TFEB: variants seen among roughly 807,000 people sequenced by gnomAD.
TFEB encodes the protein transcription factor EB, also known as T-cell transcription factor EB.
A neutral mutation model predicts 48.0 loss-of-function variants in TFEB; 12 were observed. The observed-to-expected ratio is 0.25, with a 90% confidence interval of 0.16 to 0.40. TFEB has a LOEUF of 0.40. Among genes scored for constraint, TFEB ranks in the 10% least tolerant of loss-of-function variants. The pLI is 1.00. For missense variants in TFEB, 509 were observed against 640.3 expected, an observed-to-expected ratio of 0.79 and a Z score of 2.21; for synonymous variants, 244 against 261.4, an observed-to-expected ratio of 0.93 and a Z score of 0.64.
At chr6:41,732,752 A>ACAT in intron 1 of TFEB, 1 of 985,902 alleles carries the variant, frequency 1.0e-6, no homozygotes, top group Non-Finnish European at 1.2e-6. Flanking sequence ...GTACATGCAT[A>ACAT]TATGTTCACT....
chr6:41,690,446 G>A (rs1412358666), intron 3 of TFEB, among the ~76,000 whole-genome samples: 3 of 152,226 alleles, frequency 2.0e-5, no homozygotes, highest in African/African-American at 4.8e-5. Flanking sequence ...CAGAGCTTTT[G>A]AAAGTAAGGA....
intron 1 of TFEB, among the ~76,000 whole-genome samples, chr6:41,727,464 C>G (rs6910366): frequency 0.14 from 21,206 of 152,078 alleles, 1,440 homozygotes; most frequent in South Asian, 0.16. Context: ...GCCGAGGCGG[C>G]TGGATCACTT....
chr6:41,688,042 G>A lies in TFEB; in HGVS notation c.550-14C>T, dbSNP rs374991256. On this transcript the variant is annotated splice_polypyrimidine_tract_variant and intron_variant, in intron 4 of 8. Coordinates refer to ENST00000373033, the MANE Select transcript of TFEB (RefSeq NM_001271944.2). ...GGACAGGGGTAGCTGTGGGGTAGGG[G>A]GTGAGGGAGACCCATGAGTATCCCC... 1.7e-5 allele frequency: 27 copies of A among 1,603,224 alleles called. No homozygotes were observed. In the African/African-American group the frequency reaches 2.8e-4, roughly 17 times the overall value.
rs1771126647 is a variant in TFEB at position 41,724,534 on chromosome 6, G to A, written c.-23+10816C>T. The stretch of plus-strand genomic sequence containing the variant: ...CTCTGGTCCAACCCTGGGCCTCCCT[G>A]GGCTGGCAAATTCTGGAAGGACACA... On this transcript the variant is annotated intron_variant, in intron 1 of 8. Coordinates refer to ENST00000373033, the MANE Select transcript of TFEB (RefSeq NM_001271944.2). The surrounding 1 kb of genome is among the most constrained non-coding windows in gnomAD (Gnocchi z 4.4). Among the ~76,000 whole-genome samples the A allele has an allele frequency of 6.6e-6, 1 of 151,996 alleles. No homozygotes were observed. Among genetic ancestry groups the A allele is most frequent in the African/African-American group, 2.4e-5 (1 of 41,388 alleles).
intron 1 of TFEB, among the ~76,000 whole-genome samples, chr6:41,692,605 A>G (rs1317227808): frequency 3.3e-5 from 5 of 151,992 alleles, no homozygotes; most frequent in African/African-American, 1.2e-4. Flanking sequence ...AGCTTGGCCC[A>G]CTCTGTCCCT....
chr6:41,689,738 G>T lies in TFEB; in HGVS notation c.542C>A (p.Pro181His). The T allele has an allele frequency of 6.2e-7, 1 of 1,613,958 alleles. No individual in the cohort carries two copies. Among genetic ancestry groups the T allele is most frequent in the Non-Finnish European group, 8.5e-7 (1 of 1,179,870 alleles). ...CACCCTAGCCAGGAGTACCGTGTTG[G>T]GCATCTGCATTTCAGGATTGATGTA... is the stretch of plus-strand genomic sequence containing the variant. ...LGYINPEMQM[P>H]NTLPLSSSHL... Residue 181 changes from proline to histidine, a missense_variant, in exon 4 of 9, where the codon CCC becomes CAC. Physicochemically the swap from Pro to His is moderately conservative, Grantham distance 77. This residue lies in a region of TFEB where 251 missense variants were observed against 317.2 expected (regional missense o/e 0.79). Transcript: ENST00000373033.
intron 1 of TFEB, among the ~76,000 whole-genome samples, chr6:41,714,237 G>A (rs1278814991): frequency 6.6e-6 from 1 of 152,186 alleles, no homozygotes; most frequent in Non-Finnish European, 1.5e-5. Flanking sequence ...GTGCGTGTGT[G>A]TATGCATGTG....
chr6:41,714,827 C>T (rs1468919898), intron 1 of TFEB, among the ~76,000 whole-genome samples: 1 of 152,160 alleles, frequency 6.6e-6, no homozygotes, highest in Non-Finnish European at 1.5e-5. Context: ...AATCCAGTGA[C>T]CACAGCACTC....
At position 41,687,937 on chromosome 6, in the gene TFEB, G is replaced by C. The variant is rs370711905; in HGVS notation, c.641C>G (p.Ala214Gly). Reference sequence around the variant, plus strand: ...GAGCTCTCGCTTCTGGGTCAGGTCCGCAGGGCAGGAGCTGCTGGTGACGCC... The same window carrying C: ...GAGCTCTCGCTTCTGGGTCAGGTCCCCAGGGCAGGAGCTGCTGGTGACGCC... Reference protein sequence around the residue: ...LVGVTSSSCPADLTQKRELTD... With the variant: ...LVGVTSSSCPGDLTQKRELTD... The change falls in exon 5 of 9, where the codon GCG (alanine) becomes GGG (glycine). Residue 214 changes from alanine (A) to glycine (G), a missense_variant. This residue lies in a region of TFEB where 251 missense variants were observed against 317.2 expected (regional missense o/e 0.79). Transcript: ENST00000373033. 12 of 1,613,882 alleles carry C rather than the reference G, an allele frequency of 7.4e-6. No individual in the cohort carries two copies. The Admixed American group carries it at 1.8e-4, about 25-fold the overall frequency.
rs555978362 is a variant in TFEB, at chr6:41,724,026, G to A, written c.-23+11324C>T. On this transcript the variant is annotated intron_variant, in intron 1 of 8. Transcript: ENST00000373033. This position sits in a 1 kb window ranked among gnomAD's most constrained non-coding sequence, Gnocchi z 4.4. ...GCAGTCTTGGCCTTGGGCCTTCCCA[G>A]GGCCTCCAGACACCCAGGTCGAGGC... 2.2e-6 allele frequency: 1 copy of A among 450,408 alleles called. No individual in the cohort carries two copies. Among genetic ancestry groups the A allele is most frequent in the Non-Finnish European group, 4.5e-6 (1 of 224,306 alleles). 27.9% of individuals were successfully genotyped at this position (450,408 alleles called of 1,614,324 possible).
intron 1 of TFEB, among the ~76,000 whole-genome samples, chr6:41,710,896 C>A (rs1016230216): frequency 8.5e-5 from 13 of 152,180 alleles, no homozygotes; most frequent in South Asian, 6.2e-4. Flanking sequence ...CTCTAATCAC[C>A]ATTTGGGCAC....
intron 1 of TFEB, among the ~76,000 whole-genome samples, chr6:41,732,184 A>C (rs1771480082): frequency 6.6e-6 from 1 of 152,180 alleles, no homozygotes; most frequent in South Asian, 2.1e-4. Context: ...GATAGAGAAA[A>C]GAAGGTCCCC....
At chr6:41,726,732 C>T (rs1771229480) in intron 1 of TFEB, among the ~76,000 whole-genome samples, 1 of 152,098 alleles carries the variant, frequency 6.6e-6, no homozygotes, top group Non-Finnish European at 1.5e-5. Context: ...AGCCACCGCA[C>T]CCAGCCAGGG....
chr6:41,689,478 C>A (rs539086276), intron 4 of TFEB, among the ~76,000 whole-genome samples: 52 of 152,354 alleles, frequency 3.4e-4, no homozygotes, highest in African/African-American at 1.2e-3. Flanking sequence ...CACAGGCCCA[C>A]TCCGTGTCCC....
At chr6:41,689,088 T>A (rs992447469) in intron 4 of TFEB, among the ~76,000 whole-genome samples, 4 of 152,198 alleles carry the variant, frequency 2.6e-5, no homozygotes, top group Non-Finnish European at 5.9e-5. Context: ...ATCACCCCCA[T>A]TTTGCAGCTG....
chr6:41,710,983 A>G (rs535748738), intron 1 of TFEB, among the ~76,000 whole-genome samples: 7 of 152,342 alleles, frequency 4.6e-5, no homozygotes, highest in South Asian at 2.1e-4. Context: ...CCCTTGCCCT[A>G]TGGTTTTTAC....
Position 41,691,120 on chromosome 6 carries a change from G to A in TFEB, c.94C>T (p.His32Tyr), listed in dbSNP as rs756491079. 5.0e-6 allele frequency: 8 copies of A among 1,585,976 alleles called. No homozygotes were observed. In the South Asian group the frequency reaches 9.1e-5, roughly 18 times the overall value. Residue 32 changes from histidine (H) to tyrosine (Y), a missense_variant, in exon 2 of 9, where the codon CAT becomes TAT. Around this residue, in one of 4 missense-constraint regions of TFEB, gnomAD observed 251 missense variants for 317.2 expected, o/e 0.79. Coordinates refer to ENST00000373033, the MANE Select transcript of TFEB (RefSeq NM_001271944.2). The surrounding 1 kb of genome is among the most constrained non-coding windows in gnomAD (Gnocchi z 5.2). Reference sequence around the variant, plus strand: ...TGCTGCTGCTGCTGCTGCATGTAATGCATGACAGCCTGTTGCTGCATGCGC... The same window carrying A: ...TGCTGCTGCTGCTGCTGCATGTAATACATGACAGCCTGTTGCTGCATGCGC... The part of the protein sequence containing the change: ...RERMQQQAVM[H>Y]YMQQQQQQQQ...
At chr6:41,706,200 A>C in intron 1 of TFEB, among the ~76,000 whole-genome samples, 1 of 152,160 alleles carries the variant, frequency 6.6e-6, no homozygotes, top group Non-Finnish European at 1.5e-5. Context: ...GGCCTGCCCC[A>C]ACTGTCCCCT....
At chr6:41,700,564 C>T (rs532714919) in intron 1 of TFEB, among the ~76,000 whole-genome samples, 2 of 152,260 alleles carry the variant, frequency 1.3e-5, no homozygotes, top group East Asian at 3.9e-4. Context: ...TCAGTGGCAG[C>T]AGAGCAAGAC....
Sources: gnomAD v4.1 joint callset for allele counts (sites outside exome capture counted in the v4.1 genomes callset) on GRCh38, gnomAD v4.1.1 for gene constraint, gnomAD v4.1.1 regional missense constraint, Gnocchi (gnomAD v3.1) non-coding constraint, MANE v1.5 for transcripts, NCBI Gene and HGNC (gene_info 2026-07-23, HGNC 2026-07-21) for gene names.